The following FRMPD4 variants were observed in gnomAD, a reference collection of about 807,000 sequenced individuals.
FRMPD4 encodes FERM and PDZ domain containing 4.
In FRMPD4, 22 loss-of-function variants were observed where a neutral mutation model predicts 94.1. The observed-to-expected ratio is 0.23, with a 90% CI of 0.17 to 0.33. FRMPD4 has a LOEUF of 0.33. FRMPD4 is among the 10% of genes least tolerant of loss of function. The pLI is 1.00. For synonymous variants in FRMPD4, 631 were observed against 548.6 expected, an observed-to-expected ratio of 1.15 and a Z score of -2.10; for missense variants, 1,111 against 1,339.9, an observed-to-expected ratio of 0.83 and a Z score of 2.67.
intron 1 of FRMPD4, among the ~76,000 whole-genome samples, chrX:12,165,163 T>C (rs867722693): frequency 4.6e-4 from 52 of 112,110 alleles, no homozygotes; most frequent in Admixed American, 3.6e-3. Context: ...GGTTTTCTTC[T>C]AGGGTTTTTA....
chrX:12,719,990 GGAAA>G (rs1425168814), intron 16 of FRMPD4, among the ~76,000 whole-genome samples: 26 of 63,658 alleles, frequency 4.1e-4, no homozygotes, highest in African/African-American at 1.3e-3. Context: ...AAGAAAGAAA[GGAAA>G]GAAAGGAAAG....
intron 2 of FRMPD4, among the ~76,000 whole-genome samples, chrX:12,506,658 T>G (rs1033548092): frequency 8.9e-6 from 1 of 112,787 alleles, no homozygotes. Context: ...TAATCATCCT[T>G]GTATGATGAA....
At chrX:12,498,570 G>C (rs777276136) in intron 1 of FRMPD4, 110 bp from the exon 2 acceptor site, 4 of 560,873 alleles carry the variant, frequency 7.1e-6, no homozygotes, top group South Asian at 6.9e-5. Context: ...ACGTTAATTG[G>C]GGGTTTGCCC....
intron 1 of FRMPD4, among the ~76,000 whole-genome samples, chrX:12,247,945 T>G (rs145814984): frequency 2.4e-4 from 27 of 112,409 alleles, no homozygotes; most frequent in African/African-American, 8.4e-4. Flanking sequence ...TCAAAGTGTT[T>G]TGAAATGTCA....
chrX:11,969,325 G>A (rs1233255703), intron 3 of FRMPD4, among the ~76,000 whole-genome samples: 1 of 112,226 alleles, frequency 8.9e-6, no homozygotes, highest in Non-Finnish European at 1.9e-5. Context: ...ACTAGGTCAA[G>A]TTGCTGAATT....
chrX:12,199,237 ATGTGTGTGTG>A (rs5901464), intron 1 of FRMPD4, among the ~76,000 whole-genome samples: 2 of 91,274 alleles, frequency 2.2e-5, no homozygotes, highest in African/African-American at 8.3e-5. Context: ...AGAAAGGAAA[ATGTGTGTGTG>A]TGTGTGTGTG....
chrX:12,498,277 G>A (rs776220028), intron 1 of FRMPD4, among the ~76,000 whole-genome samples: 55 of 111,547 alleles, frequency 4.9e-4, no homozygotes, highest in Non-Finnish European at 9.6e-4. Flanking sequence ...GGAAGTCTTG[G>A]GCATACATGA....
intron 3 of FRMPD4, among the ~76,000 whole-genome samples, chrX:11,957,593 A>G (rs181675909): frequency 8.9e-6 from 1 of 112,028 alleles, no homozygotes. Flanking sequence ...GGAGTAAAAC[A>G]TATTGAAACT....
intron 1 of FRMPD4, among the ~76,000 whole-genome samples, chrX:12,446,010 T>G (rs765418405): frequency 3.7e-4 from 42 of 112,249 alleles, no homozygotes; most frequent in African/African-American, 1.3e-3. Flanking sequence ...GTTCAATGGA[T>G]TGGGCTTCTT....
rs182492037 is a variant in FRMPD4 at position 12,446,318 on chromosome X, C to T, written c.42-52362C>T. 3.7e-4 allele frequency among the ~76,000 whole-genome samples: 42 copies of T among 112,239 alleles called. No individual in the cohort carries two copies. In the Middle Eastern group the frequency reaches 0.014, roughly 37 times the overall value. ...AGTCTATTTAACTTTTCATACTAGC[C>T]ACCACCCACTGCAGAGATTTTGCAT... On this transcript the variant is annotated intron_variant, in intron 1 of 16. Coordinates refer to ENST00000675598, the MANE Select transcript of FRMPD4 (RefSeq NM_001368397.1).
chrX:12,045,848 G>A (rs1004611917), intron 3 of FRMPD4, among the ~76,000 whole-genome samples: 2 of 111,503 alleles, frequency 1.8e-5, no homozygotes, highest in African/African-American at 6.5e-5. Flanking sequence ...AAAAAAGCAA[G>A]AGTAAAATAA....
intron 3 of FRMPD4, among the ~76,000 whole-genome samples, chrX:12,088,840 A>G (rs184972710): frequency 4.8e-3 from 543 of 112,538 alleles, no homozygotes; most frequent in African/African-American, 0.017. Flanking sequence ...GTCTACATAT[A>G]GAAAAGGACA....
chrX:12,170,238 C>T (rs1358060657), intron 1 of FRMPD4, among the ~76,000 whole-genome samples: 2 of 104,258 alleles, frequency 1.9e-5, no homozygotes, highest in African/African-American at 7.0e-5. Context: ...TTCAAATGGT[C>T]TTGAAATAGT....
At chrX:12,329,857 CAAA>C (rs750627076) in intron 1 of FRMPD4, among the ~76,000 whole-genome samples, 5 of 55,470 alleles carry the variant, frequency 9.0e-5, no homozygotes, top group African/African-American at 1.6e-4. Flanking sequence ...AGTTTCTAAC[CAAA>C]AAAAAAAAAA....
rs148561500 is a variant in FRMPD4, at chrX:12,707,041, C to T, written c.1287+126C>T. On this transcript the variant is annotated intron_variant, in intron 12 of 16. Transcript: ENST00000675598. ...CCTTCATTTCTAACCAACTTCACAA[C>T]AGTCTGAAAATATCAGAAGAAATGT... is the stretch of plus-strand genomic sequence containing the variant. The T allele has an allele frequency of 3.6e-3, 1,454 of 404,309 alleles. 19 individuals carry two copies. The highest frequency in any genetic ancestry group is 0.034 in the African/African-American group (1,293 of 37,632). 33.3% of individuals were successfully genotyped at this position (404,309 alleles called of 1,213,427 possible).
chrX:12,231,696 C>G (rs777345321), intron 1 of FRMPD4, among the ~76,000 whole-genome samples: 6 of 111,663 alleles, frequency 5.4e-5, no homozygotes, highest in Non-Finnish European at 9.4e-5. Flanking sequence ...TACTGCGATT[C>G]TGTGTGTTAT....
At chrX:12,250,252 CTGTT>C (rs1378684996) in intron 1 of FRMPD4, among the ~76,000 whole-genome samples, 5 of 111,334 alleles carry the variant, frequency 4.5e-5, no homozygotes, top group East Asian at 2.8e-4. Flanking sequence ...CAACTGGAAA[CTGTT>C]TGTGGAGCAA....
At chrX:11,842,187 C>T (rs1162850481) in intron 1 of FRMPD4, among the ~76,000 whole-genome samples, 1 of 103,808 alleles carries the variant, frequency 9.6e-6, no homozygotes, top group African/African-American at 3.7e-5. Flanking sequence ...AGCGTGATGC[C>T]TCCAGCTTTG....
chrX:12,165,624 T>C (rs1228053434), intron 1 of FRMPD4, among the ~76,000 whole-genome samples: 2 of 111,961 alleles, frequency 1.8e-5, no homozygotes, highest in African/African-American at 6.5e-5. Context: ...GCACTGAATC[T>C]ATAAATTACC....
Sources: allele counts gnomAD v4.1 joint callset (sites outside exome capture counted in the v4.1 genomes callset), GRCh38; gene constraint gnomAD v4.1.1; transcripts MANE v1.5; gene names NCBI Gene and HGNC (gene_info 2026-07-23, HGNC 2026-07-21).